Variants in LATS1 observed in about 807,000 individuals in gnomAD.
LATS1 encodes large tumor suppressor kinase 1, also known as serine/threonine-protein kinase LATS1.
Under a neutral mutation model 106.6 loss-of-function variants are expected in LATS1, and 25 were observed. The observed-to-expected ratio is 0.23, with a 90% confidence interval of 0.17 to 0.33. LATS1 has a LOEUF of 0.33. LATS1 is among the 10% of genes least tolerant of loss of function. The probability of loss-of-function intolerance (pLI) is 1.00; values close to 1 mark genes in which losing one functional copy is unlikely to be tolerated. For missense variants in LATS1, 1,040 were observed against 1,382.6 expected, an observed-to-expected ratio of 0.75 and a Z score of 3.93; for synonymous variants, 465 against 455.6, an observed-to-expected ratio of 1.02 and a Z score of -0.26.
At chr6:149,669,184 A>C (rs1781319730) in intron 7 of LATS1, among the ~76,000 whole-genome samples, 1 of 150,742 alleles carries the variant, frequency 6.6e-6, no homozygotes, top group Admixed American at 6.6e-5. Context: ...CCCAGGCTGG[A>C]GTGCAGTGGC....
chr6:149,711,604 C>T (rs1346795342), intron 1 of LATS1, among the ~76,000 whole-genome samples: 1 of 152,000 alleles, frequency 6.6e-6, no homozygotes, highest in African/African-American at 2.4e-5. Flanking sequence ...AAAAAATCTT[C>T]TTGTCTATTC....
intron 1 of LATS1, among the ~76,000 whole-genome samples, chr6:149,711,680 T>C (rs1247339812): frequency 6.6e-6 from 1 of 152,136 alleles, no homozygotes; most frequent in Non-Finnish European, 1.5e-5. Context: ...GATTTGTACG[T>C]TCCAAAGGGA....
intron 1 of LATS1, among the ~76,000 whole-genome samples, chr6:149,704,885 TATACAC>T (rs1783668298): frequency 3.1e-5 from 2 of 64,048 alleles, no homozygotes; most frequent in Admixed American, 2.5e-4. Flanking sequence ...AGAAATTAAT[TATACAC>T]ACACACACAC....
chr6:149,681,356 A>G (rs555617039), intron 4 of LATS1, among the ~76,000 whole-genome samples: 3 of 152,362 alleles, frequency 2.0e-5, no homozygotes, highest in African/African-American at 7.2e-5. Context: ...CTAAAATAGA[A>G]CAACCACATG....
chr6:149,697,749 G>A (rs184338405), intron 2 of LATS1, among the ~76,000 whole-genome samples: 5 of 151,034 alleles, frequency 3.3e-5, no homozygotes, highest in Admixed American at 3.3e-4. Context: ...TCTTTTTTTT[G>A]TTTTTGAGAT....
At chr6:149,687,095 A>AT (rs59469526) in intron 3 of LATS1, among the ~76,000 whole-genome samples, 68,250 of 147,238 alleles carry the variant, frequency 0.46, 16,251 homozygotes, top group East Asian at 0.79. Context: ...CAAGATTTTT[A>AT]TTTTTTTTTT....
At chr6:149,697,385 AAC>A (rs1783163104) in intron 2 of LATS1, among the ~76,000 whole-genome samples, 1 of 152,204 alleles carries the variant, frequency 6.6e-6, no homozygotes, top group Admixed American at 6.5e-5. Context: ...TTTCCTAGGC[AAC>A]AGATATGACA....
At chr6:149,682,031 GA>G (rs1345503136) in intron 4 of LATS1, among the ~76,000 whole-genome samples, 1 of 151,468 alleles carries the variant, frequency 6.6e-6, no homozygotes, top group Non-Finnish European at 1.5e-5. Context: ...AGAACTGCTT[GA>G]ACCCGGGAGG....
chr6:149,709,962 C>T (rs1232526567), intron 1 of LATS1, among the ~76,000 whole-genome samples: 1 of 151,922 alleles, frequency 6.6e-6, no homozygotes, highest in Non-Finnish European at 1.5e-5. Flanking sequence ...GCGTGAGCCA[C>T]TGTGCCTGCC....
At chr6:149,677,284 A>G (rs1781772769) in intron 5 of LATS1, among the ~76,000 whole-genome samples, 1 of 152,232 alleles carries the variant, frequency 6.6e-6, no homozygotes, top group African/African-American at 2.4e-5. Flanking sequence ...CTTCAGCTAA[A>G]CCGTAAAAAA....
chr6:149,685,168 G>A (rs1263139766), intron 3 of LATS1, among the ~76,000 whole-genome samples: 1 of 151,910 alleles, frequency 6.6e-6, no homozygotes, highest in East Asian at 1.9e-4. Flanking sequence ...AACCAAGAAG[G>A]CCAACGCTGC....
chr6:149,670,178 A>G (rs1357599651), intron 7 of LATS1, among the ~76,000 whole-genome samples: 1 of 142,616 alleles, frequency 7.0e-6, no homozygotes, highest in African/African-American at 2.8e-5. Context: ...TCTCAAAAAA[A>G]AAAAAAAAAA....
At chr6:149,663,621 C>T (rs909422427) in intron 7 of LATS1, among the ~76,000 whole-genome samples, 6 of 151,996 alleles carry the variant, frequency 3.9e-5, no homozygotes, top group African/African-American at 1.2e-4. Context: ...TATACTCCCT[C>T]GTCTATTATT....
intron 1 of LATS1, among the ~76,000 whole-genome samples, chr6:149,709,284 C>T (rs542238149): frequency 6.4e-4 from 98 of 152,308 alleles, no homozygotes; most frequent in Non-Finnish European, 1.1e-3. Flanking sequence ...AACAGACTCT[C>T]TGTAGCAATA....
chr6:149,683,685 T>C lies in LATS1; in HGVS notation c.1404A>G (p.Pro468=), dbSNP rs1387139016. ...CAGAGTGACTTGCTCTATTTCCTAA[T>C]GGGTTATTAAAAGAATTTGACCTCA... ...IPVRSNSFNN[P]LGNRASHSAN... The change falls in exon 4 of 8, where the codon CCA becomes CCG. Residue 468 remains proline (P), a synonymous_variant. Transcript: ENST00000543571. 8.1e-6 allele frequency: 13 copies of C among 1,614,210 alleles called. 1 individual carries two copies. Among genetic ancestry groups the C allele is most frequent in the South Asian group, 2.2e-5 (2 of 91,090 alleles).
intron 2 of LATS1, among the ~76,000 whole-genome samples, chr6:149,700,636 A>G (rs1783397893): frequency 6.6e-6 from 1 of 152,178 alleles, no homozygotes; most frequent in Non-Finnish European, 1.5e-5. Flanking sequence ...AACAAAAAAC[A>G]AACAGTGAAG....
chr6:149,697,351 G>A (rs1783159833), intron 2 of LATS1, among the ~76,000 whole-genome samples: 2 of 152,142 alleles, frequency 1.3e-5, no homozygotes, highest in Non-Finnish European at 2.9e-5. Context: ...GCCTTATCTA[G>A]GTACTGGTCC....
chr6:149,684,251 T>C lies in LATS1; in HGVS notation c.838A>G (p.Asn280Asp). 3 of 1,614,192 alleles carry C rather than the reference T, an allele frequency of 1.9e-6. 1 individual carries two copies. In the South Asian group the frequency reaches 3.3e-5, roughly 18 times the overall value. ...PNSQTKRYSG[N>D]MEYVISRISP... ...ATTCGGGAGATTACGTATTCCATGT[T>C]TCCAGAATAGCGCTTTGTTTGAGAG... The change falls in exon 4 of 8, where the codon AAC becomes GAC. Residue 280 changes from asparagine (N) to aspartate (D), a missense_variant. Around this residue, in one of 7 missense-constraint regions of LATS1, gnomAD observed 624 missense variants for 714.8 expected, o/e 0.87. Transcript: ENST00000543571.
At position 149,683,184 on chromosome 6, in the gene LATS1, A is replaced by T; in HGVS notation, c.1905T>A (p.Ser635=). Residue 635 remains serine, a synonymous_variant, in exon 4 of 8, where the codon TCT becomes TCA. Coordinates refer to ENST00000543571, the MANE Select transcript of LATS1 (RefSeq NM_004690.4). ...CCATAAAGAATTTAAATGCTTGAGG[A>T]GAATAACTTTGAATACGAGATTCCC... is the stretch of plus-strand genomic sequence containing the variant. ...ERRESRIQSY[S]PQAFKFFMEQ... is the part of the protein sequence containing the mutation. The T allele has an allele frequency of 1.2e-6, 2 of 1,614,004 alleles. No individual in the cohort carries two copies. Among genetic ancestry groups the T allele is most frequent in the South Asian group, 2.2e-5 (2 of 91,068 alleles).
Sources: allele counts gnomAD v4.1 joint callset (sites outside exome capture counted in the v4.1 genomes callset), GRCh38; gene constraint gnomAD v4.1.1; regional missense constraint gnomAD v4.1.1; transcripts MANE v1.5; gene names NCBI Gene and HGNC (gene_info 2026-07-23, HGNC 2026-07-21).